Variants in ERC2 observed in about 807,000 individuals in gnomAD.
ERC2 encodes ERC protein 2.
In ERC2, 42 loss-of-function variants were observed where a neutral mutation model predicts 114.8. The observed-to-expected ratio is 0.37, with a 90% CI of 0.29 to 0.47. The LOEUF (loss-of-function observed/expected upper bound fraction) is 0.47. ERC2 is among the 20% of genes least tolerant of loss of function. The probability of loss-of-function intolerance (pLI) is 0.99; values close to 1 mark genes in which losing one functional copy is unlikely to be tolerated. For synonymous variants in ERC2, 454 were observed against 425.5 expected, an observed-to-expected ratio of 1.07 and a Z score of -0.82; for missense variants, 939 against 1,150.7, an observed-to-expected ratio of 0.82 and a Z score of 2.66.
At chr3:55,639,514 G>A (rs79196194) in intron 17 of ERC2, among the ~76,000 whole-genome samples, 1 of 152,142 alleles carries the variant, frequency 6.6e-6, no homozygotes, top group African/African-American at 2.4e-5. Context: ...GGGACACACT[G>A]TCTGGCACAA....
chr3:55,520,452 A>AAAT (rs55692324), intron 17 of ERC2, among the ~76,000 whole-genome samples: 1 of 151,020 alleles, frequency 6.6e-6, no homozygotes, highest in African/African-American at 2.4e-5. Context: ...AAAAAAAAAA[A>AAAT]TCTAAGAAGA....
intron 14 of ERC2, among the ~76,000 whole-genome samples, chr3:55,737,758 T>C (rs1053515894): frequency 2.0e-5 from 3 of 152,222 alleles, no homozygotes; most frequent in African/African-American, 7.2e-5. Flanking sequence ...CTCATGTTTC[T>C]GTACATTTTA....
Position 55,656,527 on chromosome 3 carries a change from C to A in ERC2, c.*39+27267G>T, listed in dbSNP as rs573278198. On this transcript the variant is annotated intron_variant, in intron 17 of 17. Transcript: ENST00000288221. ...CCTTGAGTCCGGGAGGCTCTGAAAC[C>A]TTCCTTGTCAGGCCACAGAAGAAGT... Among the ~76,000 whole-genome samples, 38 of 152,286 alleles carry A rather than the reference C, an allele frequency of 2.5e-4. No individual in the cohort carries two copies. In the South Asian group the frequency reaches 6.4e-3, roughly 26 times the overall value.
Position 55,957,098 on chromosome 3 carries a change from A to G in ERC2, c.2268-6538T>C, listed in dbSNP as rs141468296. On this transcript the variant is annotated intron_variant, in intron 12 of 17. Transcript: ENST00000288221. ...TAAGATAGCTAAAAGAAAGGTGTCAAAGGGAGTGTCCAGATTTGAAAACTT... is the reference window on the plus strand; with the variant it reads ...TAAGATAGCTAAAAGAAAGGTGTCAGAGGGAGTGTCCAGATTTGAAAACTT... Among the ~76,000 whole-genome samples the G allele has an allele frequency of 5.0e-3, 769 of 152,330 alleles. 6 individuals are homozygous for G. Among genetic ancestry groups the G allele is most frequent in the African/African-American group, 0.018 (729 of 41,576 alleles).
intron 14 of ERC2, among the ~76,000 whole-genome samples, chr3:55,863,737 T>C (rs2062126343): frequency 6.6e-6 from 1 of 152,162 alleles, no homozygotes; most frequent in East Asian, 1.9e-4. Flanking sequence ...GTGAAATTAA[T>C]ATTAATATTT....
At chr3:55,562,068 G>T (rs114815013) in intron 17 of ERC2, among the ~76,000 whole-genome samples, 2 of 152,196 alleles carry the variant, frequency 1.3e-5, no homozygotes, top group African/African-American at 2.4e-5. Flanking sequence ...TGATAGCATC[G>T]CCTGGGCTGC....
chr3:56,232,905 C>T (rs886066802), intron 3 of ERC2, among the ~76,000 whole-genome samples: 1 of 152,190 alleles, frequency 6.6e-6, no homozygotes, highest in African/African-American at 2.4e-5. Context: ...CTCCCGTTTC[C>T]GAATAATTCT....
intron 14 of ERC2, among the ~76,000 whole-genome samples, chr3:55,772,869 C>T (rs2068326771): frequency 1.3e-5 from 2 of 152,138 alleles, no homozygotes; most frequent in Non-Finnish European, 2.9e-5. Flanking sequence ...CAACCTGCTC[C>T]CTGCCCCTGT....
chr3:56,270,051 T>C (rs1220217444), intron 3 of ERC2, among the ~76,000 whole-genome samples: 1 of 134,096 alleles, frequency 7.5e-6, no homozygotes, highest in Admixed American at 8.2e-5. Context: ...ATCTCCTCCC[T>C]ACACCCAAAC....
intron 2 of ERC2, among the ~76,000 whole-genome samples, chr3:56,401,510 G>A (rs2060518449): frequency 6.6e-6 from 1 of 152,210 alleles, no homozygotes; most frequent in South Asian, 2.1e-4. Context: ...GATAGCTGCA[G>A]AATATTCCAC....
intron 13 of ERC2, among the ~76,000 whole-genome samples, chr3:55,927,123 G>A (rs1353071933): frequency 6.6e-6 from 1 of 152,146 alleles, no homozygotes; most frequent in Non-Finnish European, 1.5e-5. Flanking sequence ...AGCTTTCCCA[G>A]TAACTGGTTG....
At chr3:56,188,352 T>C (rs2083762494) in intron 3 of ERC2, among the ~76,000 whole-genome samples, 1 of 151,270 alleles carries the variant, frequency 6.6e-6, no homozygotes, top group Admixed American at 6.6e-5. Context: ...AGAGGGAGGG[T>C]CTGGCTGCTT....
At chr3:56,331,426 C>T (rs752337581) in intron 2 of ERC2, among the ~76,000 whole-genome samples, 2 of 152,128 alleles carry the variant, frequency 1.3e-5, no homozygotes, top group African/African-American at 4.8e-5. Flanking sequence ...AATCTCTCTC[C>T]CCCATTACAA....
intron 17 of ERC2, among the ~76,000 whole-genome samples, chr3:55,678,397 A>AG (rs1342146704): frequency 5.3e-5 from 8 of 152,198 alleles, no homozygotes; most frequent in African/African-American, 1.9e-4. Context: ...TGGAGATCTC[A>AG]GGGGGAACTA....
At chr3:55,830,696 A>G (rs1234366698) in intron 14 of ERC2, among the ~76,000 whole-genome samples, 1 of 152,168 alleles carries the variant, frequency 6.6e-6, no homozygotes, top group South Asian at 2.1e-4. Context: ...ATAATCCCAG[A>G]ACTTTGGAAG....
chr3:55,832,770 C>T (rs1258677469), intron 14 of ERC2, among the ~76,000 whole-genome samples: 29 of 152,180 alleles, frequency 1.9e-4, no homozygotes, highest in Non-Finnish European at 3.2e-4. Flanking sequence ...ATAACTTTGA[C>T]GAGTTGAGAG....
intron 17 of ERC2, among the ~76,000 whole-genome samples, chr3:55,609,569 G>A (rs1029382528): frequency 2.4e-4 from 37 of 152,096 alleles, no homozygotes; most frequent in Admixed American, 2.3e-3. Context: ...ATTCCCTGTC[G>A]CTTCATGCTG....
chr3:55,717,130 G>A (rs1407665796), intron 15 of ERC2, among the ~76,000 whole-genome samples: 3 of 152,156 alleles, frequency 2.0e-5, no homozygotes, highest in African/African-American at 7.2e-5. Context: ...GCTGCTGCAG[G>A]TAATCTAACT....
intron 3 of ERC2, among the ~76,000 whole-genome samples, chr3:56,271,800 CTTCT>C (rs1210017154): frequency 6.6e-6 from 1 of 152,130 alleles, no homozygotes; most frequent in Non-Finnish European, 1.5e-5. Context: ...CTATTGTTCC[CTTCT>C]TTGTGTCCAA....
Sources: allele counts gnomAD v4.1 joint callset (sites outside exome capture counted in the v4.1 genomes callset), GRCh38; gene constraint gnomAD v4.1.1; transcripts MANE v1.5; gene names NCBI Gene and HGNC (gene_info 2026-07-23, HGNC 2026-07-21).